The following TTC28 variants were observed in gnomAD, a reference collection of about 807,000 sequenced individuals.
TTC28 encodes the protein tetratricopeptide repeat domain 28.
TTC28 carries 61 observed loss-of-function variants against 198.0 expected under a neutral mutation model. That is an observed-to-expected ratio of 0.31 (90% CI 0.25 to 0.38). The LOEUF (loss-of-function observed/expected upper bound fraction) is 0.38. TTC28 is among the 10% of genes least tolerant of loss of function. The pLI, the probability that TTC28 is intolerant of heterozygous loss-of-function variation, is 1.00. For missense variants in TTC28, 2,678 were observed against 3,164.0 expected, an observed-to-expected ratio of 0.85 and a Z score of 3.69; for synonymous variants, 1,171 against 1,297.8, an observed-to-expected ratio of 0.90 and a Z score of 2.10.
intron 2 of TTC28, among the ~76,000 whole-genome samples, chr22:28,346,246 G>A (rs1366246808): frequency 6.6e-6 from 1 of 152,160 alleles, no homozygotes; most frequent in Non-Finnish European, 1.5e-5. Context: ...CTACATGTTG[G>A]TTCATAGTTC....
chr22:28,576,670 T>C lies in TTC28; in HGVS notation c.381+52882A>G, dbSNP rs575371919. 8.8e-4 allele frequency among the ~76,000 whole-genome samples: 134 copies of C among 152,236 alleles called. 2 individuals are homozygous for C. The South Asian group carries it at 0.024, about 27-fold the overall frequency. ...ACAGCTTCAATCTTGTTCCTTGTTA[T>C]TGGTCTGTTCAGGTTTTCAATTTCT... On this transcript the variant is annotated intron_variant, in intron 2 of 22. Transcript: ENST00000397906.
At chr22:28,188,605 C>T (rs945325270) in intron 5 of TTC28, among the ~76,000 whole-genome samples, 9 of 152,118 alleles carry the variant, frequency 5.9e-5, no homozygotes, top group African/African-American at 1.2e-4. Context: ...GAGATGAAGA[C>T]GGAAATGAAA....
At chr22:28,334,106 G>A (rs1404339680) in intron 2 of TTC28, among the ~76,000 whole-genome samples, 1 of 150,766 alleles carries the variant, frequency 6.6e-6, no homozygotes, top group Non-Finnish European at 1.5e-5. Context: ...AAGGTGTTTG[G>A]TTTTTTCTCC....
At chr22:28,491,050 C>G (rs530371212) in intron 2 of TTC28, among the ~76,000 whole-genome samples, 1 of 152,258 alleles carries the variant, frequency 6.6e-6, no homozygotes, top group African/African-American at 2.4e-5. Context: ...AACTATCAAG[C>G]CTTTAAGCTT....
chr22:28,038,081 T>C (rs1939441387), intron 12 of TTC28, among the ~76,000 whole-genome samples: 2 of 152,134 alleles, frequency 1.3e-5, no homozygotes, highest in Non-Finnish European at 2.9e-5. Flanking sequence ...ATCGTGAAAA[T>C]GGCCATACTG....
At chr22:28,590,366 T>C (rs1430895244) in intron 2 of TTC28, among the ~76,000 whole-genome samples, 1 of 151,974 alleles carries the variant, frequency 6.6e-6, no homozygotes, top group African/African-American at 2.4e-5. Context: ...CCTGACCTTG[T>C]GATCCGCCCA....
At chr22:28,390,934 A>T (rs1334610038) in intron 2 of TTC28, among the ~76,000 whole-genome samples, 1 of 152,184 alleles carries the variant, frequency 6.6e-6, no homozygotes, top group Non-Finnish European at 1.5e-5. Context: ...GTTTCTTCCT[A>T]GCCTCGATGG....
chr22:28,347,916 G>A (rs1475456541), intron 2 of TTC28, among the ~76,000 whole-genome samples: 4 of 152,356 alleles, frequency 2.6e-5, no homozygotes, highest in Middle Eastern at 3.4e-3. Flanking sequence ...CATATTTTGA[G>A]GAAGGAACTT....
At chr22:28,463,318 C>G (rs2047974633) in intron 2 of TTC28, among the ~76,000 whole-genome samples, 1 of 152,140 alleles carries the variant, frequency 6.6e-6, no homozygotes, top group African/African-American at 2.4e-5. Flanking sequence ...ATTGGTGGGA[C>G]TGTAAACTAG....
chr22:28,639,997 T>C (rs552326260), intron 1 of TTC28, among the ~76,000 whole-genome samples: 1 of 152,076 alleles, frequency 6.6e-6, no homozygotes, highest in African/African-American at 2.4e-5. Flanking sequence ...AACTGGAAGA[T>C]AAGAAACAGA....
chr22:28,527,981 C>T (rs747955369), intron 2 of TTC28, among the ~76,000 whole-genome samples: 2 of 152,150 alleles, frequency 1.3e-5, no homozygotes, highest in Non-Finnish European at 2.9e-5. Flanking sequence ...AAGCTCAGGT[C>T]TCTTTTCCTC....
intron 2 of TTC28, among the ~76,000 whole-genome samples, chr22:28,407,214 T>TA (rs1413546712): frequency 1.3e-5 from 2 of 152,142 alleles, no homozygotes. Flanking sequence ...AGAAAATAAA[T>TA]AAGAGTTCCC....
intron 2 of TTC28, among the ~76,000 whole-genome samples, chr22:28,335,548 T>C (rs945668958): frequency 6.6e-6 from 1 of 152,156 alleles, no homozygotes; most frequent in Admixed American, 6.5e-5. Flanking sequence ...TGAAGAGGTC[T>C]TTCATGTCCC....
chr22:28,426,656 C>G (rs2047354928), intron 2 of TTC28, among the ~76,000 whole-genome samples: 1 of 152,170 alleles, frequency 6.6e-6, no homozygotes, highest in African/African-American at 2.4e-5. Context: ...AGATCCTGCT[C>G]TTTCCCCCTC....
chr22:28,138,376 CTCTT>C (rs746793062), intron 6 of TTC28, among the ~76,000 whole-genome samples: 7 of 152,244 alleles, frequency 4.6e-5, no homozygotes, highest in African/African-American at 7.2e-5. Flanking sequence ...TCCAATAAAT[CTCTT>C]TCTGTCACAT....
At chr22:28,287,202 T>A (rs1228348987) in intron 5 of TTC28, among the ~76,000 whole-genome samples, 1 of 152,230 alleles carries the variant, frequency 6.6e-6, no homozygotes, top group East Asian at 1.9e-4. Context: ...TCTTTATATG[T>A]ATACCTTATA....
rs150797889 is a variant in TTC28 at position 27,999,210 on chromosome 22, C to A, written c.4449G>T (p.Ala1483=). Residue 1483 remains alanine, a synonymous_variant, in exon 16 of 23, where the codon GCG becomes GCT. Coordinates refer to ENST00000397906, the MANE Select transcript of TTC28 (RefSeq NM_001145418.2). ...PPTYSSSTSM[A]AVIGNPKLPS... Reference sequence around the variant, plus strand: ...GTAGCTTGGGGTTGCCGATGACAGCCGCCATGGATGTGGAGCTGGAGTATG... The same window carrying A: ...GTAGCTTGGGGTTGCCGATGACAGCAGCCATGGATGTGGAGCTGGAGTATG... 3.9e-6 allele frequency: 6 copies of A among 1,550,962 alleles called. No homozygotes were observed. In the East Asian group the frequency reaches 7.3e-5, roughly 19 times the overall value.
chr22:28,625,841 T>G (rs895001904), intron 2 of TTC28, among the ~76,000 whole-genome samples: 7 of 152,154 alleles, frequency 4.6e-5, no homozygotes, highest in African/African-American at 1.4e-4. Context: ...CATTGAGATA[T>G]ATACACAGAA....
chr22:28,489,442 G>T lies in TTC28; in HGVS notation c.381+140110C>A, dbSNP rs2048348806. On this transcript the variant is annotated intron_variant, in intron 2 of 22. Coordinates refer to ENST00000397906, the MANE Select transcript of TTC28 (RefSeq NM_001145418.2). ...AAAATCTCACCCTGAAAGCATTTTAGAATTGCATCCTTTATAAACTGAAGC... is the reference window on the plus strand; with the variant it reads ...AAAATCTCACCCTGAAAGCATTTTATAATTGCATCCTTTATAAACTGAAGC... Among the ~76,000 whole-genome samples, 3 of 152,092 alleles carry T rather than the reference G, an allele frequency of 2.0e-5. No homozygotes were observed. The South Asian group carries it at 6.2e-4, about 31-fold the overall frequency.
Sources: allele counts gnomAD v4.1 joint callset (sites outside exome capture counted in the v4.1 genomes callset), GRCh38; gene constraint gnomAD v4.1.1; transcripts MANE v1.5; gene names NCBI Gene and HGNC (gene_info 2026-07-23, HGNC 2026-07-21).